EP300: variants seen among roughly 807,000 people sequenced by gnomAD.
EP300 encodes the protein histone acetyltransferase p300.
Under a neutral mutation model 264.0 loss-of-function variants are expected in EP300, and 31 were observed. The ratio of observed to expected loss-of-function variants is 0.12; its 90% CI spans 0.09 to 0.16. EP300 has a LOEUF of 0.16. Ranked by LOEUF, EP300 falls within the 10% of genes least tolerant of loss-of-function variation. The pLI, the probability that EP300 is intolerant of heterozygous loss-of-function variation, is 1.00. For missense variants in EP300, 2,766 were observed against 3,052.9 expected, an observed-to-expected ratio of 0.91 and a Z score of 2.21; for synonymous variants, 1,340 against 1,045.4, an observed-to-expected ratio of 1.28 and a Z score of -5.44.
chr22:41,134,432 G>T (rs1186125738), intron 6 of EP300, among the ~76,000 whole-genome samples: 1 of 152,036 alleles, frequency 6.6e-6, no homozygotes, highest in Non-Finnish European at 1.5e-5. Flanking sequence ...GGGTCTCGCT[G>T]TGTCACCCAG....
At chr22:41,156,790 G>C (rs1456904675) in intron 17 of EP300, among the ~76,000 whole-genome samples, 1 of 151,956 alleles carries the variant, frequency 6.6e-6, no homozygotes, top group Non-Finnish European at 1.5e-5. Context: ...GTATCTTGCT[G>C]TGATTTCAGA....
chr22:41,162,868 TC>T, intron 21 of EP300, 89 bp downstream of exon 21: 1 of 1,116,478 alleles, frequency 9.0e-7, no homozygotes, highest in Admixed American at 1.7e-5. Context: ...AATCAGATGA[TC>T]CTATATTCTT....
At position 41,176,863 on chromosome 22, in the gene EP300, A is replaced by C; in HGVS notation, c.5152A>C (p.Asn1718His). ...LGLGLDDESN[N>H]QQAAATQSPG... The stretch of plus-strand genomic sequence containing the variant: ...CCTTGGCTTAGATGATGAGAGCAAC[A>C]ACCAGCAGGCTGCAGCCACCCAGAG... The change falls in exon 31 of 31, where the codon AAC becomes CAC. Residue 1718 changes from asparagine to histidine, a missense_variant. Coordinates refer to ENST00000263253, the MANE Select transcript of EP300 (RefSeq NM_001429.4). The C allele has an allele frequency of 1.2e-6, 2 of 1,614,106 alleles. No homozygotes were observed. Among genetic ancestry groups the C allele is most frequent in the Non-Finnish European group, 1.7e-6 (2 of 1,179,994 alleles).
Position 41,164,143 on chromosome 22 carries a change from G to A in EP300, c.3806+13G>A, listed in dbSNP as rs1045067263. ...TCTGGCCTGCTGGGTAAGTCTTAAC[G>A]TTGTTACTTTCTCTGGAATTTTTCT... On this transcript the variant is annotated intron_variant, in intron 22 of 30. Transcript: ENST00000263253. 1.3e-5 allele frequency: 21 copies of A among 1,612,464 alleles called. No individual in the cohort carries two copies. The highest frequency in any genetic ancestry group is 3.3e-5 in the Admixed American group (2 of 60,006).
In EP300 at chr22:41,178,664, C is replaced by T. The variant is rs1371834733; in HGVS notation, c.6953C>T (p.Pro2318Leu). Residue 2318 changes from proline (P) to leucine (L), a missense_variant, in exon 31 of 31, where the codon CCA becomes CTA. Coordinates refer to ENST00000263253, the MANE Select transcript of EP300 (RefSeq NM_001429.4). ...CCCCAGCCTGTCCCTTCTCCACGGC[C>T]ACAGTCCCAGCCCCCCCACTCCAGT... ...RSPQPVPSPR[P>L]QSQPPHSSPS... 2 of 1,614,166 alleles carry T rather than the reference C, an allele frequency of 1.2e-6. No homozygotes were observed. The highest frequency in any genetic ancestry group is 1.7e-6 in the Non-Finnish European group (2 of 1,180,030).
At chr22:41,167,637 A>C (rs2059145995) in intron 23 of EP300, among the ~76,000 whole-genome samples, 1 of 64,310 alleles carries the variant, frequency 1.6e-5, no homozygotes, top group African/African-American at 6.6e-5. Flanking sequence ...TATATATATA[A>C]TGTTTGGTTG....
chr22:41,114,059 C>G (rs867722275), intron 1 of EP300, among the ~76,000 whole-genome samples: 1 of 152,018 alleles, frequency 6.6e-6, no homozygotes, highest in South Asian at 2.1e-4. Context: ...AAAGTATGAT[C>G]TCAGTTTTGT....
At chr22:41,161,750 G>T (rs1292993140) in intron 20 of EP300, among the ~76,000 whole-genome samples, 2 of 152,174 alleles carry the variant, frequency 1.3e-5, no homozygotes, top group Admixed American at 6.5e-5. Context: ...ATTTACTTCT[G>T]TTCAGGACGT....
chr22:41,114,415 C>T (rs748663665), intron 1 of EP300, among the ~76,000 whole-genome samples: 6 of 152,124 alleles, frequency 3.9e-5, no homozygotes, highest in African/African-American at 9.7e-5. Context: ...GAGCTCGAGC[C>T]GTCTGCCCTC....
At chr22:41,128,450 AACCCT>A (rs1238186592) in intron 4 of EP300, among the ~76,000 whole-genome samples, 1 of 151,908 alleles carries the variant, frequency 6.6e-6, no homozygotes, top group African/African-American at 2.4e-5. Flanking sequence ...GATAGAACCA[AACCCT>A]GTTTCAAAAA....
chr22:41,113,157 A>ATCCC (rs2058802817), intron 1 of EP300, among the ~76,000 whole-genome samples: 2 of 92,918 alleles, frequency 2.2e-5, no homozygotes, highest in African/African-American at 4.4e-5. Context: ...TCAGGATTCC[A>ATCCC]CCCCCCCCCC....
chr22:41,153,508 T>G (rs1439176025), intron 16 of EP300, among the ~76,000 whole-genome samples: 1 of 152,154 alleles, frequency 6.6e-6, no homozygotes, highest in Non-Finnish European at 1.5e-5. Context: ...CCCACCGCTT[T>G]GGGAGGCCGA....
intron 27 of EP300, 49 bp downstream of exon 27, chr22:41,170,620 A>C (rs368327456): frequency 6.7e-7 from 1 of 1,488,330 alleles, no homozygotes; most frequent in Non-Finnish European, 9.4e-7. Flanking sequence ...CTGGAAATGC[A>C]CTAATGTTGC....
In EP300 at chr22:41,099,067, T is replaced by C. The variant is rs138259112; in HGVS notation, c.94+5969T>C. Among the ~76,000 whole-genome samples the C allele has an allele frequency of 2.1e-3, 315 of 152,248 alleles. 1 individual carries two copies. Among genetic ancestry groups the C allele is most frequent in the African/African-American group, 7.2e-3 (301 of 41,562 alleles). On this transcript the variant is annotated intron_variant, in intron 1 of 30. Transcript: ENST00000263253. ...AGTGGTAGATGGTTTGGGGGTTGTT[T>C]TTGTTTTTTTGATTTGCAACGAAGT...
Position 41,150,041 on chromosome 22 carries a change from C to A in EP300, c.2660C>A (p.Thr887Lys). Residue 887 changes from threonine (T) to lysine (K), a missense_variant, in exon 14 of 31, where the codon ACA becomes AAA. Physicochemically the swap from Thr to Lys is moderately conservative, Grantham distance 78. Transcript: ENST00000263253. ...ALHPPPRQTP[T>K]PPTTQLPQQV... ...CATCCCCCTCCAAGGCAGACACCTACACCACCAACAACACAACTTCCCCAA... is the reference window on the plus strand; with the variant it reads ...CATCCCCCTCCAAGGCAGACACCTAAACCACCAACAACACAACTTCCCCAA... 6.2e-7 allele frequency: 1 copy of A among 1,614,006 alleles called. No homozygotes were observed. The highest frequency in any genetic ancestry group is 8.5e-7 in the Non-Finnish European group (1 of 1,180,040).
intron 28 of EP300, among the ~76,000 whole-genome samples, chr22:41,173,059 A>C (rs2059179945): frequency 6.6e-6 from 1 of 152,312 alleles, no homozygotes; most frequent in Non-Finnish European, 1.5e-5. Context: ...TCTTAGCTAT[A>C]CAAAATAGGC....
chr22:41,113,217 A>G (rs915181776), intron 1 of EP300, among the ~76,000 whole-genome samples: 3 of 136,256 alleles, frequency 2.2e-5, no homozygotes, highest in Non-Finnish European at 4.6e-5. Context: ...CATATCCTAT[A>G]TGATTTCTTT....
At chr22:41,132,783 C>T (rs1204057166) in intron 6 of EP300, among the ~76,000 whole-genome samples, 2 of 152,118 alleles carry the variant, frequency 1.3e-5, no homozygotes, top group Non-Finnish European at 2.9e-5. Flanking sequence ...TTGTTTGCCT[C>T]ACTTCCTGTT....
chr22:41,125,859 C>T lies in EP300; in HGVS notation c.730-5C>T, dbSNP rs371539664. 11 of 1,613,764 alleles carry T rather than the reference C, an allele frequency of 6.8e-6. No individual in the cohort carries two copies. The African/African-American group carries it at 1.2e-4, about 18-fold the overall frequency. On this transcript the variant is annotated splice_polypyrimidine_tract_variant and splice_region_variant and intron_variant, in intron 2 of 30. Coordinates refer to ENST00000263253, the MANE Select transcript of EP300 (RefSeq NM_001429.4). ...ATTTTGTTTTCTTTTGTTTCTTACT[C>T]TTAGATGGGAATGATGAACAACCCC...
Sources: allele counts gnomAD v4.1 joint callset (sites outside exome capture counted in the v4.1 genomes callset), GRCh38; gene constraint gnomAD v4.1.1; transcripts MANE v1.5; gene names NCBI Gene and HGNC (gene_info 2026-07-23, HGNC 2026-07-21).